Variants in TMCC3 observed in about 807,000 individuals in gnomAD.
TMCC3 encodes the protein transmembrane and coiled-coil domain family 3.
In TMCC3, 28 loss-of-function variants were observed where a neutral mutation model predicts 40.2. The ratio of observed to expected loss-of-function variants is 0.70; its 90% CI spans 0.52 to 0.95. The LOEUF is 0.95. Among genes scored for constraint, TMCC3 ranks in the 40% least tolerant of loss-of-function variants. The pLI is 0.00. For missense variants in TMCC3, 554 were observed against 615.2 expected (o/e 0.90, Z 1.05); for synonymous variants, 255 against 248.5 (o/e 1.03, Z -0.25).
intron 1 of TMCC3, among the ~76,000 whole-genome samples, chr12:94,597,042 G>A (rs2068718750): frequency 6.6e-6 from 1 of 151,210 alleles, no homozygotes. Flanking sequence ...CACTTTGGGA[G>A]GCAGAGGCAG....
intron 1 of TMCC3, among the ~76,000 whole-genome samples, chr12:94,640,833 C>T (rs1189719716): frequency 2.0e-5 from 3 of 152,200 alleles, no homozygotes; most frequent in Non-Finnish European, 4.4e-5. Context: ...CTCTGTTGCT[C>T]AAATCCAGAG....
chr12:94,579,729 A>G (rs1418272460), intron 2 of TMCC3, among the ~76,000 whole-genome samples: 1 of 152,196 alleles, frequency 6.6e-6, no homozygotes, highest in African/African-American at 2.4e-5. Context: ...GACTTCTCAG[A>G]TGTCAAATGC....
chr12:94,587,111 G>A (rs996026587), intron 1 of TMCC3, among the ~76,000 whole-genome samples: 2 of 152,178 alleles, frequency 1.3e-5, no homozygotes, highest in Admixed American at 6.5e-5. Context: ...TCCACCCTTC[G>A]TTTAATCCAG....
At chr12:94,575,254 C>A (rs906620232) in intron 3 of TMCC3, among the ~76,000 whole-genome samples, 3 of 152,194 alleles carry the variant, frequency 2.0e-5, no homozygotes, top group Admixed American at 6.5e-5. Context: ...AAAGGCCCAA[C>A]TGCTAGAAGC....
intron 1 of TMCC3, among the ~76,000 whole-genome samples, chr12:94,604,000 T>G (rs2068768038): frequency 6.6e-6 from 1 of 152,226 alleles, no homozygotes; most frequent in Admixed American, 6.5e-5. Flanking sequence ...TTTCCCAAAC[T>G]TTCATGACAC....
intron 1 of TMCC3, among the ~76,000 whole-genome samples, chr12:94,643,906 G>C (rs2069004255): frequency 6.6e-6 from 1 of 152,244 alleles, no homozygotes; most frequent in African/African-American, 2.4e-5. Flanking sequence ...AGATCTTAGA[G>C]AAACTAATAA....
Position 94,569,181 on chromosome 12 carries a change from T to G in TMCC3, c.*2254A>C, listed in dbSNP as rs890967239. ...TAACAGCAGCACTCAATCCCTGGTGTGTCCGAAGTGGTGCTTGGAAAGATT... is the reference window on the plus strand; with the variant it reads ...TAACAGCAGCACTCAATCCCTGGTGGGTCCGAAGTGGTGCTTGGAAAGATT... On this transcript the variant is annotated 3_prime_UTR_variant, in exon 4 of 4. Coordinates refer to ENST00000261226, the MANE Select transcript of TMCC3 (RefSeq NM_020698.4). 1.3e-5 allele frequency: 2 copies of G among 152,260 alleles called. No individual in the cohort carries two copies. Among genetic ancestry groups the G allele is most frequent in the African/African-American group, 2.4e-5 (1 of 41,440 alleles). The allele number at this position is 152,260 out of a possible 1,614,324, so 9.4% of individuals were successfully genotyped here. A position where few individuals can be genotyped will look rare whatever the true frequency, so the allele number is the denominator to read the frequency against.
chr12:94,638,061 A>G (rs2068970452), intron 1 of TMCC3, among the ~76,000 whole-genome samples: 2 of 152,210 alleles, frequency 1.3e-5, no homozygotes, highest in South Asian at 4.1e-4. Flanking sequence ...TGAAAAGCAA[A>G]GGTCAGATGA....
chr12:94,621,750 C>T (rs1488772683), intron 1 of TMCC3, among the ~76,000 whole-genome samples: 1 of 152,180 alleles, frequency 6.6e-6, no homozygotes, highest in East Asian at 1.9e-4. Flanking sequence ...TGAGCTAATT[C>T]TTCCCTCTTA....
At chr12:94,578,584 C>A (rs917126760) in intron 2 of TMCC3, 55 bp from the exon 3 acceptor site, 4 of 1,563,100 alleles carry the variant, frequency 2.6e-6, no homozygotes, top group Non-Finnish European at 3.5e-6. Flanking sequence ...CATTGTGGAA[C>A]GATGTCCTTT....
intron 3 of TMCC3, among the ~76,000 whole-genome samples, chr12:94,572,213 A>T (rs4436604): frequency 0.58 from 87,989 of 151,528 alleles, 25,722 homozygotes; most frequent in African/African-American, 0.63. Context: ...TTGGCAAGGA[A>T]GGTCTCGATC....
chr12:94,574,814 C>T (rs2068554541), intron 3 of TMCC3, among the ~76,000 whole-genome samples: 1 of 152,170 alleles, frequency 6.6e-6, no homozygotes, highest in East Asian at 1.9e-4. Flanking sequence ...GGTGATGGAA[C>T]AAGACAAAAG....
chr12:94,595,133 A>T (rs7305122), intron 1 of TMCC3, among the ~76,000 whole-genome samples: 34,261 of 152,094 alleles, frequency 0.23, 4,108 homozygotes, highest in Non-Finnish European at 0.24. Flanking sequence ...TCTGGTGATC[A>T]GCCTATATGT....
chr12:94,615,393 C>G (rs112271541), intron 1 of TMCC3, among the ~76,000 whole-genome samples: 1 of 152,206 alleles, frequency 6.6e-6, no homozygotes, highest in African/African-American at 2.4e-5. Context: ...CAGCTCGAGG[C>G]AGCCACCACA....
At chr12:94,578,585 G>A (rs750173615) in intron 2 of TMCC3, 56 bp from the exon 3 acceptor site, 40 of 1,557,936 alleles carry the variant, frequency 2.6e-5, no homozygotes, top group Non-Finnish European at 3.1e-5. Flanking sequence ...ATTGTGGAAC[G>A]ATGTCCTTTT....
rs1234984552 is a variant in TMCC3 at position 94,589,349 on chromosome 12, T to C, written c.79-6811A>G. On this transcript the variant is annotated intron_variant, in intron 1 of 3. Coordinates refer to ENST00000261226, the MANE Select transcript of TMCC3 (RefSeq NM_020698.4). ...GGCTATAAAAGAAAGGCTTATTCCA[T>C]GCAAATGCTAGAAAGTTGGCTGTGA... Among the ~76,000 whole-genome samples the C allele has an allele frequency of 1.3e-5, 2 of 152,130 alleles. 1 individual carries two copies. Among genetic ancestry groups the C allele is most frequent in the East Asian group, 3.8e-4 (2 of 5,200 alleles).
At chr12:94,577,728 C>T (rs1366583134) in intron 3 of TMCC3, among the ~76,000 whole-genome samples, 2 of 152,148 alleles carry the variant, frequency 1.3e-5, no homozygotes, top group Non-Finnish European at 2.9e-5. Context: ...ACACTCTCCA[C>T]CTAGGCAGTG....
At chr12:94,600,901 G>A (rs1342598132) in intron 1 of TMCC3, among the ~76,000 whole-genome samples, 2 of 152,116 alleles carry the variant, frequency 1.3e-5, no homozygotes, top group Admixed American at 6.6e-5. Context: ...CACAGAACGC[G>A]CAGTATCACT....
At chr12:94,627,869 C>T (rs2068911911) in intron 1 of TMCC3, among the ~76,000 whole-genome samples, 1 of 152,206 alleles carries the variant, frequency 6.6e-6, no homozygotes, top group Non-Finnish European at 1.5e-5. Context: ...TCTGCCTTGC[C>T]CTACCAGAAT....
Sources: gnomAD v4.1 joint callset for allele counts (sites outside exome capture counted in the v4.1 genomes callset) on GRCh38, gnomAD v4.1.1 for gene constraint, MANE v1.5 for transcripts, NCBI Gene and HGNC (gene_info 2026-07-23, HGNC 2026-07-21) for gene names.